Variants in LIG1 observed in about 807,000 individuals in gnomAD.
The protein encoded by LIG1 is ligase I, DNA, ATP-dependent.
LIG1 carries 70 observed loss-of-function variants against 115.7 expected under a neutral mutation model. The observed-to-expected ratio is 0.60, with a 90% confidence interval of 0.50 to 0.74. LIG1 has a LOEUF of 0.74. Ranked by LOEUF, LIG1 falls within the 30% of genes least tolerant of loss-of-function variation. The probability of loss-of-function intolerance (pLI) is 0.00; values close to 1 mark genes in which losing one functional copy is unlikely to be tolerated. For synonymous variants in LIG1, 487 were observed against 495.3 expected (o/e 0.98, Z 0.22); for missense variants, 1,115 against 1,225.6 (o/e 0.91, Z 1.35).
intron 11 of LIG1, among the ~76,000 whole-genome samples, chr19:48,142,455 A>AAAAAAAAAAAAAAAAAAAAAAAG (rs1477820876): frequency 6.6e-6 from 1 of 150,820 alleles, no homozygotes; most frequent in East Asian, 1.9e-4. Context: ...AAAAAAAAAA[A>AAAAAAAAAAAAAAAAAAAAAAAG]AACAGAGTGC....
chr19:48,161,582 T>C (rs2036180944), intron 3 of LIG1, 75 bp from the exon 4 acceptor site: 2 of 1,548,310 alleles, frequency 1.3e-6, no homozygotes, highest in Non-Finnish European at 1.8e-6. Context: ...GCAAACACTT[T>C]GGTTTCTTTG....
chr19:48,137,202 TC>T lies in LIG1; in HGVS notation c.1255-119del. The T allele has an allele frequency of 2.3e-6, 2 of 886,548 alleles. No individual in the cohort carries two copies. The highest frequency in any genetic ancestry group is 3.6e-6 in the Non-Finnish European group (2 of 548,460). The allele number at this position is 886,548 out of a possible 1,614,324, so 54.9% of individuals were successfully genotyped here. ...TACCTGCCCTCCTTCCCTCACCCCA[TC>T]CCCATGTCCCAGCTCCCATGGCCGC... On this transcript the variant is annotated intron_variant, in intron 13 of 27. Transcript: ENST00000263274. The surrounding 1 kb of genome is among the most constrained non-coding windows in gnomAD (Gnocchi z 4.3).
intron 4 of LIG1, among the ~76,000 whole-genome samples, chr19:48,160,457 C>T (rs758164219): frequency 2.0e-5 from 3 of 151,960 alleles, no homozygotes; most frequent in Non-Finnish European, 4.4e-5. Flanking sequence ...ATGTGATGGG[C>T]GGGGGAAGAG....
chr19:48,155,084 C>T (rs1446123907), intron 5 of LIG1, among the ~76,000 whole-genome samples: 1 of 152,172 alleles, frequency 6.6e-6, no homozygotes, highest in African/African-American at 2.4e-5. Flanking sequence ...TCCCCTGACA[C>T]ACCCCCAGGG....
chr19:48,117,394 A>C (rs1295458500), intron 26 of LIG1, among the ~76,000 whole-genome samples: 1 of 151,892 alleles, frequency 6.6e-6, no homozygotes, highest in Non-Finnish European at 1.5e-5. Context: ...TCCTGACCTC[A>C]AGTGATCTGC....
At position 48,120,901 on chromosome 19, in the gene LIG1, ATTCTT is replaced by A. The variant is rs2033217312; in HGVS notation, c.2385+264_2385+268del. ...ACACTTCTCATTTCATAACAAAAAA[ATTCTT>A]TTCTTATGTGAGCCACCACTATTTG... On this transcript the variant is annotated intron_variant, in intron 24 of 27. Transcript: ENST00000263274. 14 of 1,270,568 alleles carry A rather than the reference ATTCTT, an allele frequency of 1.1e-5. No individual in the cohort carries two copies. The African/African-American group carries it at 1.7e-4, about 15-fold the overall frequency. The allele number at this position is 1,270,568 out of a possible 1,614,324, so 78.7% of individuals were successfully genotyped here.
At position 48,137,863 on chromosome 19, in the gene LIG1, C is replaced by G; in HGVS notation, c.1088-175G>C. The G allele has an allele frequency of 5.4e-6, 4 of 747,326 alleles. No homozygotes were observed. Among genetic ancestry groups the G allele is most frequent in the Non-Finnish European group, 8.9e-6 (4 of 450,908 alleles). The allele number at this position is 747,326 out of a possible 1,614,324, so 46.3% of individuals were successfully genotyped here. A position where few individuals can be genotyped will look rare whatever the true frequency, so the allele number is the denominator to read the frequency against. ...AGAAATGGCTTGGGGAACGTGCCCC[C>G]AGCCACGCTGGCTGTAGGAAGTCAG... is the stretch of plus-strand genomic sequence containing the variant. On this transcript the variant is annotated intron_variant, in intron 12 of 27. Transcript: ENST00000263274. The surrounding 1 kb of genome is among the most constrained non-coding windows in gnomAD (Gnocchi z 4.3).
In LIG1 at chr19:48,164,670, G is replaced by C. The variant is rs145541870; in HGVS notation, c.17+880C>G. On this transcript the variant is annotated intron_variant, in intron 2 of 27. Transcript: ENST00000263274. Reference sequence around the variant, plus strand: ...GGACAGTAGAGCTGAACAATGGAGAGAGACAGATTCCCAGGGAGGAAGTTT... The same window carrying C: ...GGACAGTAGAGCTGAACAATGGAGACAGACAGATTCCCAGGGAGGAAGTTT... Among the ~76,000 whole-genome samples, 368 of 152,368 alleles carry C rather than the reference G, an allele frequency of 2.4e-3. 1 individual carries two copies. The highest frequency in any genetic ancestry group is 4.8e-3 in the South Asian group (23 of 4,832).
intron 1 of LIG1, chr19:48,169,914 C>CCCCG (rs2036703865): frequency 7.5e-6 from 1 of 134,188 alleles, no homozygotes; most frequent in African/African-American, 3.0e-5. Flanking sequence ...ACAGTTTTCC[C>CCCCG]CCCCCCGGCC....
rs368085245 is a variant in LIG1 at position 48,140,084 on chromosome 19, G to A, written c.974C>T (p.Pro325Leu). The A allele has an allele frequency of 6.2e-7, 1 of 1,613,980 alleles. No individual in the cohort carries two copies. Among genetic ancestry groups the A allele is most frequent in the African/African-American group, 1.3e-5 (1 of 75,062 alleles). ...LLRSVVALSP[P>L]DLLPVLYLSL... is the part of the protein sequence containing the mutation. ...GAGGTAGAGGACAGGGAGGAGGTCT[G>A]GAGGCGACAGGGCCACCACGGAGCG... Residue 325 changes from proline to leucine, a missense_variant, in exon 12 of 28, where the codon CCA (proline) becomes CTA (leucine). Physicochemically the swap from Pro to Leu is moderately conservative, Grantham distance 98. Transcript: ENST00000263274.
In LIG1 at chr19:48,117,643, CCCG is replaced by C; in HGVS notation, c.2575_2577del (p.Arg859del). The C allele has an allele frequency of 6.2e-7, 1 of 1,612,564 alleles. No individual in the cohort carries two copies. The highest frequency in any genetic ancestry group is 8.5e-7 in the Non-Finnish European group (1 of 1,179,652). ...CCAGGTCCTCTGCCACTCACCAGGC[CCCG>C]CGCAGCAGGGTAGATGGGAGAGAGG... is the stretch of plus-strand genomic sequence containing the variant. On this transcript the variant is annotated inframe_deletion, in exon 26 of 28. Coordinates refer to ENST00000263274, the MANE Select transcript of LIG1 (RefSeq NM_000234.3).
intron 16 of LIG1, 148 bp downstream of exon 16, chr19:48,135,532 C>T: frequency 2.6e-6 from 2 of 755,634 alleles, no homozygotes; most frequent in East Asian, 2.5e-5. Context: ...GTCTAGATCA[C>T]CACCTCTGCT....
At chr19:48,150,393 T>C (rs2035395528) in intron 7 of LIG1, among the ~76,000 whole-genome samples, 183 bp from the exon 8 acceptor site, 1 of 152,194 alleles carries the variant, frequency 6.6e-6, no homozygotes, top group Admixed American at 6.5e-5. Flanking sequence ...CAGTGCTAAC[T>C]AGCGGAATTC....
At position 48,146,536 on chromosome 19, in the gene LIG1, C is replaced by T. The variant is rs140194362; in HGVS notation, c.777-2573G>A. Among the ~76,000 whole-genome samples, 932 of 152,230 alleles carry T rather than the reference C, an allele frequency of 6.1e-3. 10 individuals are homozygous for T. The highest frequency in any genetic ancestry group is 0.031 in the Middle Eastern group (9 of 294). On this transcript the variant is annotated intron_variant, in intron 9 of 27. Coordinates refer to ENST00000263274, the MANE Select transcript of LIG1 (RefSeq NM_000234.3). ...TCTCTATTAAAAATACAAAAGTAGC[C>T]GGGCATGGTGGCGCATGCCTGTAAT...
At position 48,136,910 on chromosome 19, in the gene LIG1, G is replaced by A. The variant is rs576839758; in HGVS notation, c.1331+98C>T. On this transcript the variant is annotated intron_variant, in intron 14 of 27. Coordinates refer to ENST00000263274, the MANE Select transcript of LIG1 (RefSeq NM_000234.3). The stretch of plus-strand genomic sequence containing the variant: ...CTCATGCTTTTCTCATCCAAGGATG[G>A]TCAGGGCATTTGTGATGATTCCAGC... 17 of 972,486 alleles carry A rather than the reference G, an allele frequency of 1.7e-5. No individual in the cohort carries two copies. The East Asian group carries it at 4.1e-4, about 24-fold the overall frequency. 60.2% of individuals were successfully genotyped at this position (972,486 alleles called of 1,614,324 possible).
At chr19:48,152,660 G>T (rs1364406719) in intron 6 of LIG1, among the ~76,000 whole-genome samples, 1 of 152,134 alleles carries the variant, frequency 6.6e-6, no homozygotes, top group East Asian at 1.9e-4. Flanking sequence ...AGCGACACCT[G>T]CTGGCCAGTG....
In LIG1 at chr19:48,137,915, C is replaced by T. The variant is rs891898585; in HGVS notation, c.1088-227G>A. The T allele has an allele frequency of 1.6e-5, 10 of 612,752 alleles. No individual in the cohort carries two copies. The highest frequency in any genetic ancestry group is 3.7e-5 in the African/African-American group (2 of 54,494). The allele number at this position is 612,752 out of a possible 1,614,324, so 38.0% of individuals were successfully genotyped here. ...AAACATGCACGTGGAGCCAGGAAAG[C>T]GGTGGATGAACGAGCATGACCACAC... is the stretch of plus-strand genomic sequence containing the variant. On this transcript the variant is annotated intron_variant, in intron 12 of 27. Transcript: ENST00000263274. This position sits in a 1 kb window ranked among gnomAD's most constrained non-coding sequence, Gnocchi z 4.3.
rs1350372683 is a variant in LIG1, at chr19:48,122,966, C to T, written c.2200G>A (p.Glu734Lys). The T allele has an allele frequency of 3.7e-6, 6 of 1,613,470 alleles. No individual in the cohort carries two copies. In the African/African-American group the frequency reaches 5.4e-5, roughly 14 times the overall value. Residue 734 changes from glutamate (E) to lysine (K), a missense_variant, in exon 23 of 28, where the codon GAG (glutamate) becomes AAG (lysine). Physicochemically the swap from Glu to Lys is moderately conservative, Grantham distance 56. Coordinates refer to ENST00000263274, the MANE Select transcript of LIG1 (RefSeq NM_000234.3). This position sits in a 1 kb window ranked among gnomAD's most constrained non-coding sequence, Gnocchi z 4.3. ...CAGTTGTGCGATCTCTTGGCGATCT[C>T]GTAGGTGGCATCAACATCCAGGGTC... ...VKTLDVDATY[E>K]IAKRSHNWLK...
intron 16 of LIG1, among the ~76,000 whole-genome samples, chr19:48,135,448 C>G (rs1206866097): frequency 3.3e-5 from 5 of 152,190 alleles, no homozygotes; most frequent in Non-Finnish European, 7.4e-5. Context: ...TATACCTCTC[C>G]TGGGGTCACT....
Sources: gnomAD v4.1 joint callset for allele counts (sites outside exome capture counted in the v4.1 genomes callset) on GRCh38, gnomAD v4.1.1 for gene constraint, Gnocchi (gnomAD v3.1) non-coding constraint, MANE v1.5 for transcripts, NCBI Gene and HGNC (gene_info 2026-07-23, HGNC 2026-07-21) for gene names.